The following BMPR2 variants were observed in gnomAD, a reference collection of about 807,000 sequenced individuals.
BMPR2 encodes bone morphogenetic protein receptor type-2.
A neutral mutation model predicts 100.8 loss-of-function variants in BMPR2; 29 were observed. That is an observed-to-expected ratio of 0.29 (90% CI 0.21 to 0.39). The LOEUF (loss-of-function observed/expected upper bound fraction) is 0.39, where lower values mean the gene tolerates loss of function less well. Among genes scored for constraint, BMPR2 ranks in the 10% least tolerant of loss-of-function variants. BMPR2 has a pLI of 1.00. For missense variants in BMPR2, 1,011 were observed against 1,274.5 expected, an observed-to-expected ratio of 0.79 and a Z score of 3.15; for synonymous variants, 382 against 442.3, an observed-to-expected ratio of 0.86 and a Z score of 1.71.
chr2:202,446,525 C>T (rs1691852670), intron 1 of BMPR2, among the ~76,000 whole-genome samples: 2 of 150,394 alleles, frequency 1.3e-5, no homozygotes, highest in African/African-American at 5.0e-5. Context: ...TAATGATGGG[C>T]CTATTGGGCA....
intron 1 of BMPR2, among the ~76,000 whole-genome samples, chr2:202,419,920 A>G (rs1232688875): frequency 6.6e-6 from 1 of 152,188 alleles, no homozygotes; most frequent in Non-Finnish European, 1.5e-5. Context: ...TGGCCAACGC[A>G]GGAGGATGGC....
At chr2:202,534,805 C>T (rs1382891740) in intron 9 of BMPR2, among the ~76,000 whole-genome samples, 1 of 152,012 alleles carries the variant, frequency 6.6e-6, no homozygotes, top group African/African-American at 2.4e-5. Context: ...GGTGGCCGGG[C>T]AGAGAGGCTC....
intron 1 of BMPR2, among the ~76,000 whole-genome samples, chr2:202,407,100 A>G (rs1690908712): frequency 6.7e-6 from 1 of 149,008 alleles, no homozygotes; most frequent in African/African-American, 2.5e-5. Context: ...GGCATGTGCT[A>G]ATTTTTGTAT....
At position 202,431,747 on chromosome 2, in the gene BMPR2, A is replaced by G. The variant is rs13428689; in HGVS notation, c.77-33062A>G. ...TTATAACCTAGGTGTGTAGTAGGCT[A>G]TACCATGTAGGTTTGTGTAAGAACA... On this transcript the variant is annotated intron_variant, in intron 1 of 12. Transcript: ENST00000374580. Among the ~76,000 whole-genome samples the G allele has an allele frequency of 7.2e-3, 1,080 of 150,624 alleles. 120 individuals are homozygous for G. The highest frequency in any genetic ancestry group is 0.025 in the African/African-American group (1,005 of 39,964).
At chr2:202,543,427 G>A (rs536199943) in intron 10 of BMPR2, among the ~76,000 whole-genome samples, 1 of 151,108 alleles carries the variant, frequency 6.6e-6, no homozygotes, top group Non-Finnish European at 1.5e-5. Context: ...CATTTCTGAA[G>A]TTTATTTTTT....
At chr2:202,402,594 C>T (rs1260179224) in intron 1 of BMPR2, among the ~76,000 whole-genome samples, 1 of 151,824 alleles carries the variant, frequency 6.6e-6, no homozygotes, top group Non-Finnish European at 1.5e-5. Flanking sequence ...TCCCATTAGC[C>T]TTTCCATTTT....
In BMPR2 at chr2:202,464,885, C is replaced by G. The variant is rs1692289098; in HGVS notation, c.153C>G (p.Ile51Met). Reference protein sequence around the residue: ...QQDLGIGESRISHENGTILCS... With the variant: ...QQDLGIGESRMSHENGTILCS... ...ACCTTGGGATAGGTGAGAGTAGAAT[C>G]TCTCATGAAAATGGGACAATATTAT... The change falls in exon 2 of 13, where the codon ATC becomes ATG. Residue 51 changes from isoleucine (I) to methionine (M), a missense_variant. Coordinates refer to ENST00000374580, the MANE Select transcript of BMPR2 (RefSeq NM_001204.7). The G allele has an allele frequency of 6.2e-7, 1 of 1,613,978 alleles. No individual in the cohort carries two copies. Among genetic ancestry groups the G allele is most frequent in the Non-Finnish European group, 8.5e-7 (1 of 1,180,014 alleles).
chr2:202,383,750 C>T (rs1464377609), intron 1 of BMPR2, among the ~76,000 whole-genome samples: 1 of 151,162 alleles, frequency 6.6e-6, no homozygotes, highest in Non-Finnish European at 1.5e-5. Flanking sequence ...ACTCAGGAAG[C>T]TGAGGTAGGA....
At chr2:202,534,846 C>CG (rs1161459030) in intron 9 of BMPR2, among the ~76,000 whole-genome samples, 3 of 144,334 alleles carry the variant, frequency 2.1e-5, no homozygotes, top group Admixed American at 6.8e-5. Context: ...GCTGGCCAGG[C>CG]GGGGGGCTGA....
In BMPR2 at chr2:202,530,679, G is replaced by T; in HGVS notation, c.968-115G>T. ...TTGAAATTCCGATTTCTCTTTTTTTGTTATTAGAAAATTAATGGGCAGAAA... is the reference window on the plus strand; with the variant it reads ...TTGAAATTCCGATTTCTCTTTTTTTTTTATTAGAAAATTAATGGGCAGAAA... On this transcript the variant is annotated intron_variant, in intron 7 of 12. Transcript: ENST00000374580. 1 of 928,026 alleles carries T rather than the reference G, an allele frequency of 1.1e-6. No homozygotes were observed. The allele number at this position is 928,026 out of a possible 1,614,324, so 57.5% of individuals were successfully genotyped here.
chr2:202,450,275 T>C (rs566912053), intron 1 of BMPR2, among the ~76,000 whole-genome samples: 2 of 152,350 alleles, frequency 1.3e-5, no homozygotes, highest in South Asian at 2.1e-4. Context: ...TACTATGATC[T>C]TTCTCTGACA....
chr2:202,402,529 A>G (rs1690786328), intron 1 of BMPR2, among the ~76,000 whole-genome samples: 1 of 152,038 alleles, frequency 6.6e-6, no homozygotes, highest in African/African-American at 2.4e-5. Context: ...AAAACAAAAA[A>G]CAAACAAACA....
chr2:202,483,178 T>C (rs1374648112), intron 3 of BMPR2, among the ~76,000 whole-genome samples: 5 of 152,166 alleles, frequency 3.3e-5, no homozygotes, highest in African/African-American at 1.2e-4. Context: ...CCTATTCAGG[T>C]CCTTTGCCCA....
At chr2:202,552,941 C>T (rs1209586210) in intron 11 of BMPR2, 53 bp downstream of exon 11, 2 of 1,593,500 alleles carry the variant, frequency 1.3e-6, no homozygotes, top group African/African-American at 2.7e-5. Flanking sequence ...AACTGAGACC[C>T]AACAAAGAAT....
At position 202,463,053 on chromosome 2, in the gene BMPR2, A is replaced by C. The variant is rs190511686; in HGVS notation, c.77-1756A>C. Among the ~76,000 whole-genome samples the C allele has an allele frequency of 9.9e-5, 15 of 152,188 alleles. No homozygotes were observed. The East Asian group carries it at 2.5e-3, about 25-fold the overall frequency. ...AGTTGTATTACCAGTTTTATGTTCA[A>C]AACTCCTTTAAGAGGTTCTATTTTT... On this transcript the variant is annotated intron_variant, in intron 1 of 12. Coordinates refer to ENST00000374580, the MANE Select transcript of BMPR2 (RefSeq NM_001204.7).
At chr2:202,383,568 T>G (rs1003410680) in intron 1 of BMPR2, among the ~76,000 whole-genome samples, 20 of 151,586 alleles carry the variant, frequency 1.3e-4, no homozygotes, top group African/African-American at 4.6e-4. Flanking sequence ...TAATCCCAGC[T>G]ACTCGGGAGG....
intron 1 of BMPR2, among the ~76,000 whole-genome samples, chr2:202,385,396 C>T (rs1220071050): frequency 8.6e-6 from 1 of 115,980 alleles, no homozygotes; most frequent in African/African-American, 3.4e-5. Flanking sequence ...GACGGAGTCT[C>T]GCTTTGTTGC....
At chr2:202,388,405 A>AC (rs1690476092) in intron 1 of BMPR2, among the ~76,000 whole-genome samples, 1 of 150,206 alleles carries the variant, frequency 6.7e-6, no homozygotes, top group African/African-American at 2.5e-5. Flanking sequence ...TCAAAAAAAA[A>AC]AAAAAAAAAA....
chr2:202,559,752 G>A lies in BMPR2; in HGVS notation c.2923G>A (p.Val975Met). The A allele has an allele frequency of 1.2e-6, 2 of 1,614,166 alleles. No individual in the cohort carries two copies. Among genetic ancestry groups the A allele is most frequent in the Non-Finnish European group, 1.7e-6 (2 of 1,180,026 alleles). Residue 975 changes from valine to methionine, a missense_variant, in exon 13 of 13, where the codon GTG becomes ATG. By Grantham distance (21) the Val-to-Met change is conservative. Around this residue, in one of 6 missense-constraint regions of BMPR2, gnomAD observed 3 missense variants for 16.1 expected, o/e 0.19. Coordinates refer to ENST00000374580, the MANE Select transcript of BMPR2 (RefSeq NM_001204.7). ...SGSGEKIKKRVKTPYSLKRWR... is the reference protein window; with the variant it reads ...SGSGEKIKKRMKTPYSLKRWR... Reference sequence around the variant, plus strand: ...ATCAGGTGAAAAGATCAAGAAACGTGTGAAAACTCCCTATTCTCTTAAGCG... The same window carrying A: ...ATCAGGTGAAAAGATCAAGAAACGTATGAAAACTCCCTATTCTCTTAAGCG...
Sources: allele counts gnomAD v4.1 joint callset (sites outside exome capture counted in the v4.1 genomes callset), GRCh38; gene constraint gnomAD v4.1.1; regional missense constraint gnomAD v4.1.1; transcripts MANE v1.5; gene names NCBI Gene and HGNC (gene_info 2026-07-23, HGNC 2026-07-21).